Variants in HEG1 observed in about 807,000 individuals in gnomAD.
HEG1 encodes the protein protein HEG homolog 1.
Under a neutral mutation model 125.6 loss-of-function variants are expected in HEG1, and 56 were observed. That is an observed-to-expected ratio of 0.45 (90% confidence interval 0.36 to 0.56). The LOEUF is 0.56. Ranked by LOEUF, HEG1 falls within the 20% of genes least tolerant of loss-of-function variation. HEG1 has a pLI of 0.00. For missense variants in HEG1, 1,523 were observed against 1,670.0 expected, an observed-to-expected ratio of 0.91 and a Z score of 1.53; for synonymous variants, 644 against 668.5, an observed-to-expected ratio of 0.96 and a Z score of 0.57.
At chr3:124,987,544 A>C (rs1579400887) in intron 14 of HEG1, among the ~76,000 whole-genome samples, 1 of 130,228 alleles carries the variant, frequency 7.7e-6, no homozygotes, top group Middle Eastern at 4.7e-3. Flanking sequence ...TTTTTTTGAG[A>C]CGGAGTCTCG....
intron 12 of HEG1, among the ~76,000 whole-genome samples, chr3:124,996,234 G>A (rs902499508): frequency 3.3e-5 from 5 of 151,964 alleles, no homozygotes; most frequent in African/African-American, 9.7e-5. Context: ...ACAGGCATGC[G>A]TCATCACACC....
intron 8 of HEG1, 21 bp from the exon 9 acceptor site, chr3:125,005,389 T>C: frequency 7.4e-7 from 1 of 1,358,968 alleles, no homozygotes; most frequent in African/African-American, 1.4e-5. Context: ...AAATGTAACT[T>C]GTTAGATTAC....
At chr3:124,997,051 A>G (rs1936933516) in intron 12 of HEG1, among the ~76,000 whole-genome samples, 1 of 152,256 alleles carries the variant, frequency 6.6e-6, no homozygotes, top group Non-Finnish European at 1.5e-5. Flanking sequence ...CAAGCACTTC[A>G]TGAGACCTTT....
chr3:124,976,448 A>G (rs1224483772), intron 15 of HEG1, among the ~76,000 whole-genome samples: 2 of 151,858 alleles, frequency 1.3e-5, no homozygotes, highest in African/African-American at 2.4e-5. Flanking sequence ...TCGAACTCCC[A>G]AAGTGCTGGA....
intron 15 of HEG1, 25 bp downstream of exon 15, chr3:124,977,834 T>C: frequency 6.7e-6 from 10 of 1,493,152 alleles, no homozygotes; most frequent in Non-Finnish European, 9.1e-6. Context: ...GGAACGGGAT[T>C]GGAACCTGAA....
intron 9 of HEG1, among the ~76,000 whole-genome samples, chr3:125,003,944 A>G (rs1004535881): frequency 3.3e-5 from 5 of 152,212 alleles, no homozygotes. Context: ...TGACTCCTCT[A>G]GTGAATTATT....
chr3:124,972,553 A>G (rs1936465105), intron 16 of HEG1, among the ~76,000 whole-genome samples: 1 of 152,184 alleles, frequency 6.6e-6, no homozygotes, highest in Non-Finnish European at 1.5e-5. Context: ...CTGCATCCCC[A>G]TGGTCAATTG....
At chr3:124,976,252 A>G (rs967041532) in intron 15 of HEG1, among the ~76,000 whole-genome samples, 1 of 152,110 alleles carries the variant, frequency 6.6e-6, no homozygotes, top group Admixed American at 6.6e-5. Flanking sequence ...CAGTGGCATG[A>G]TCTCAGGTCA....
intron 9 of HEG1, among the ~76,000 whole-genome samples, chr3:125,002,917 C>A (rs1937020395): frequency 1.3e-5 from 2 of 152,156 alleles, no homozygotes; most frequent in Non-Finnish European, 2.9e-5. Flanking sequence ...AAATATCAGG[C>A]CTGCTTCCCT....
chr3:124,992,585 T>C (rs1936852234), intron 12 of HEG1, among the ~76,000 whole-genome samples: 1 of 148,916 alleles, frequency 6.7e-6, no homozygotes. Flanking sequence ...CATGCATGGC[T>C]GGGGGTGAGG....
At chr3:125,012,185 A>G (rs1560024602) in intron 6 of HEG1, among the ~76,000 whole-genome samples, 1 of 152,116 alleles carries the variant, frequency 6.6e-6, no homozygotes, top group African/African-American at 2.4e-5. Context: ...CTGGGATCTG[A>G]TCCAGACGCA....
chr3:125,035,755 G>C (rs1937542662), intron 1 of HEG1, among the ~76,000 whole-genome samples: 1 of 152,064 alleles, frequency 6.6e-6, no homozygotes, highest in South Asian at 2.1e-4. Context: ...AAGGAACACT[G>C]AATTTATGAA....
chr3:124,975,712 C>A (rs1936523437), intron 15 of HEG1, among the ~76,000 whole-genome samples: 1 of 152,190 alleles, frequency 6.6e-6, no homozygotes, highest in Non-Finnish European at 1.5e-5. Context: ...CCTAGACAAC[C>A]ATTAATCTAC....
chr3:124,981,916 T>A (rs971695304), intron 14 of HEG1, among the ~76,000 whole-genome samples: 3 of 151,942 alleles, frequency 2.0e-5, no homozygotes, highest in Admixed American at 2.0e-4. Context: ...ATACATATTT[T>A]TTTTTTTTCT....
intron 11 of HEG1, among the ~76,000 whole-genome samples, chr3:125,001,601 G>T (rs1167462442): frequency 6.6e-6 from 1 of 152,174 alleles, no homozygotes; most frequent in Non-Finnish European, 1.5e-5. Context: ...TAAACAGAAG[G>T]AGCTGCATGC....
chr3:124,991,117 G>A (rs1176455676), intron 12 of HEG1, 131 bp from the exon 13 acceptor site: 2 of 670,918 alleles, frequency 3.0e-6, no homozygotes, highest in East Asian at 5.5e-5. Context: ...GCTTTGGAAT[G>A]ATCCTCACTT....
In HEG1 at chr3:125,013,100, T is replaced by A; in HGVS notation, c.2479A>T (p.Thr827Ser). 1 of 1,612,564 alleles carries A rather than the reference T, an allele frequency of 6.2e-7. No homozygotes were observed. Among genetic ancestry groups the A allele is most frequent in the Non-Finnish European group, 8.5e-7 (1 of 1,179,630 alleles). ...AAGTTGGTGCTTGTGGCTGGAAGGG[T>A]TTGCTCTGTGGAGGACTCTGTTAAG... ...PSLTESSTEQ[T>S]LPATSTNLAQ... The change falls in exon 6 of 17, where the codon ACC becomes TCC. Residue 827 changes from threonine (T) to serine (S), a missense_variant. Transcript: ENST00000311127.
At chr3:125,040,560 T>C (rs1221047690) in intron 1 of HEG1, among the ~76,000 whole-genome samples, 2 of 152,144 alleles carry the variant, frequency 1.3e-5, no homozygotes, top group Non-Finnish European at 2.9e-5. Flanking sequence ...GGATCCTCAA[T>C]TTGGGGACTG....
At chr3:125,031,627 T>C (rs1454600973) in intron 1 of HEG1, among the ~76,000 whole-genome samples, 1 of 151,804 alleles carries the variant, frequency 6.6e-6, no homozygotes, top group Non-Finnish European at 1.5e-5. Flanking sequence ...AGGCTGCAGG[T>C]AGAACCTACA....
Sources: allele counts gnomAD v4.1 joint callset (sites outside exome capture counted in the v4.1 genomes callset), GRCh38; gene constraint gnomAD v4.1.1; transcripts MANE v1.5; gene names NCBI Gene and HGNC (gene_info 2026-07-23, HGNC 2026-07-21).